LRRC49: variants seen among roughly 807,000 people sequenced by gnomAD.
LRRC49 encodes the protein leucine rich repeat containing 49.
A neutral mutation model predicts 83.3 loss-of-function variants in LRRC49; 50 were observed. The ratio of observed to expected loss-of-function variants is 0.60; its 90% confidence interval spans 0.48 to 0.76. The LOEUF is 0.76. Ranked by LOEUF, LRRC49 falls within the 30% of genes least tolerant of loss-of-function variation. The pLI is 0.00. For synonymous variants in LRRC49, 286 were observed against 283.3 expected (o/e 1.01, Z -0.10); for missense variants, 704 against 809.1 (o/e 0.87, Z 1.58).
At chr15:70,875,521 C>G (rs2033135572) in intron 2 of LRRC49, among the ~76,000 whole-genome samples, 1 of 152,124 alleles carries the variant, frequency 6.6e-6, no homozygotes, top group African/African-American at 2.4e-5. Flanking sequence ...GGCAAAGTAA[C>G]CTGCCTAGTA....
At chr15:70,859,316 G>T in intron 1 of LRRC49, 1 of 793,858 alleles carries the variant, frequency 1.3e-6, no homozygotes. Flanking sequence ...GGATGTGGAT[G>T]AAGCTTACAT....
intron 9 of LRRC49, among the ~76,000 whole-genome samples, chr15:70,972,515 A>G (rs1259240862): frequency 6.6e-6 from 1 of 152,088 alleles, no homozygotes; most frequent in East Asian, 1.9e-4. Flanking sequence ...TATTTCCTGA[A>G]TTTGAATGTT....
chr15:70,917,269 T>A (rs1049839497), intron 6 of LRRC49, among the ~76,000 whole-genome samples: 5 of 152,176 alleles, frequency 3.3e-5, no homozygotes, highest in Admixed American at 6.5e-5. Flanking sequence ...GGCAGGTCCC[T>A]GGTGACTCCC....
intron 11 of LRRC49, among the ~76,000 whole-genome samples, chr15:70,994,292 A>C (rs1187210885): frequency 6.6e-6 from 1 of 152,062 alleles, no homozygotes; most frequent in Admixed American, 6.6e-5. Context: ...GATTTTGTAA[A>C]TATGTGCACA....
intron 15 of LRRC49, among the ~76,000 whole-genome samples, chr15:71,043,048 A>G (rs1036559426): frequency 1.3e-5 from 2 of 152,136 alleles, no homozygotes; most frequent in Non-Finnish European, 2.9e-5. Context: ...CTCAGCATGT[A>G]TCTACTGTTT....
At chr15:70,893,552 G>C (rs767295038) in intron 1 of LRRC49, 32 bp from the exon 2 acceptor site, 2 of 1,465,280 alleles carry the variant, frequency 1.4e-6, no homozygotes, top group African/African-American at 1.4e-5. Context: ...TGTATTAAGA[G>C]CAAATTTTAT....
intron 11 of LRRC49, among the ~76,000 whole-genome samples, chr15:71,005,722 CA>C (rs2038433424): frequency 6.6e-6 from 1 of 151,924 alleles, no homozygotes; most frequent in African/African-American, 2.4e-5. Context: ...ATTCTTAGCA[CA>C]GTGTTTTGTA....
chr15:70,980,052 TA>T, intron 9 of LRRC49, 48 bp from the exon 10 acceptor site: 2 of 1,228,326 alleles, frequency 1.6e-6, no homozygotes, highest in South Asian at 1.3e-5. Context: ...TATTTAGCAT[TA>T]AAAAATGGTT....
intron 1 of LRRC49, chr15:70,854,077 G>T: frequency 1.5e-6 from 2 of 1,352,208 alleles, no homozygotes; most frequent in Non-Finnish European, 1.9e-6. Flanking sequence ...CCTCCCCGCC[G>T]GACTGGGCCA....
At chr15:70,883,801 C>A (rs182600797) in intron 2 of LRRC49, among the ~76,000 whole-genome samples, 16 of 151,898 alleles carry the variant, frequency 1.1e-4, no homozygotes, top group African/African-American at 3.9e-4. Flanking sequence ...ATTACAGGTG[C>A]CTGCCACCAT....
chr15:70,954,351 G>T (rs772855927), intron 8 of LRRC49, among the ~76,000 whole-genome samples: 18 of 151,926 alleles, frequency 1.2e-4, no homozygotes, highest in Admixed American at 2.6e-4. Flanking sequence ...TTACTGTTTT[G>T]CCTGGGTTGG....
chr15:71,028,375 A>G (rs2039241779), intron 14 of LRRC49, among the ~76,000 whole-genome samples: 1 of 152,154 alleles, frequency 6.6e-6, no homozygotes, highest in Non-Finnish European at 1.5e-5. Context: ...TTTTGTATCA[A>G]TGTTCATCAT....
At chr15:70,996,032 A>C (rs1370401744) in intron 11 of LRRC49, among the ~76,000 whole-genome samples, 1 of 152,112 alleles carries the variant, frequency 6.6e-6, no homozygotes, top group Non-Finnish European at 1.5e-5. Flanking sequence ...AATTTCTGGC[A>C]AAAGATTTAC....
intron 5 of LRRC49, among the ~76,000 whole-genome samples, chr15:70,906,185 C>A (rs2034305242): frequency 6.6e-6 from 1 of 151,462 alleles, no homozygotes; most frequent in East Asian, 1.9e-4. Flanking sequence ...CAACCTCTGC[C>A]TCCCGGGTTC....
chr15:70,864,935 C>T (rs1337444606), intron 1 of LRRC49, among the ~76,000 whole-genome samples: 2 of 152,130 alleles, frequency 1.3e-5, no homozygotes, highest in African/African-American at 2.4e-5. Context: ...TGCTTCAGTG[C>T]CAAATTTGGG....
At chr15:70,860,061 G>C (rs543084575) in intron 1 of LRRC49, 1 of 735,678 alleles carries the variant, frequency 1.4e-6, no homozygotes, top group Admixed American at 1.9e-5. Flanking sequence ...GCAGGCTCCA[G>C]CTCCTTCAGC....
At chr15:70,860,283 C>T in intron 1 of LRRC49, 3 of 555,246 alleles carry the variant, frequency 5.4e-6, no homozygotes, top group Non-Finnish European at 9.6e-6. Context: ...CCCAAGCCCT[C>T]AGCCCACCCG....
At chr15:70,998,036 T>G (rs139271357) in intron 11 of LRRC49, among the ~76,000 whole-genome samples, 8 of 152,340 alleles carry the variant, frequency 5.3e-5, no homozygotes, top group South Asian at 2.1e-4. Context: ...TTAATTTAGC[T>G]AGTTAGAATT....
intron 11 of LRRC49, among the ~76,000 whole-genome samples, chr15:71,001,414 T>C (rs2038249771): frequency 6.6e-6 from 1 of 152,218 alleles, no homozygotes. Context: ...CCATCATACT[T>C]ACTGTTAGTT....
Sources: allele counts gnomAD v4.1 joint callset (sites outside exome capture counted in the v4.1 genomes callset), GRCh38; gene constraint gnomAD v4.1.1; transcripts MANE v1.5; gene names NCBI Gene and HGNC (gene_info 2026-07-23, HGNC 2026-07-21).